NPC1: variants seen among roughly 807,000 people sequenced by gnomAD.
NPC1 encodes Niemann-Pick C1 protein.
Under a neutral mutation model 140.4 loss-of-function variants are expected in NPC1, and 85 were observed. That is an observed-to-expected ratio of 0.61 (90% CI 0.51 to 0.72). The LOEUF is 0.72. NPC1 is among the 30% of genes least tolerant of loss of function. NPC1 has a pLI of 0.00. For synonymous variants in NPC1, 656 were observed against 624.8 expected (o/e 1.05, Z -0.74); for missense variants, 1,504 against 1,623.8 (o/e 0.93, Z 1.27).
chr18:23,512,709 G>A (rs958737963), intron 3 of NPC1, among the ~76,000 whole-genome samples: 3 of 151,584 alleles, frequency 2.0e-5, no homozygotes, highest in Admixed American at 1.3e-4. Flanking sequence ...TGGGATTTAT[G>A]GGCATGAGCC....
At chr18:23,530,240 G>A, downstream of NPC1, 1 of 1,614,190 alleles carries the variant, frequency 6.2e-7, no homozygotes, top group South Asian at 1.1e-5. Flanking sequence ...CTTGTCTGCT[G>A]TTATCCCTAG....
chr18:23,506,744 C>T, intron 3 of NPC1: 1 of 411,696 alleles, frequency 2.4e-6, no homozygotes, highest in Non-Finnish European at 4.4e-6. Context: ...GATCTGAATT[C>T]TTCAATCACT....
chr18:23,534,008 T>C (rs1385569928), intron 23 of NPC1: 5 of 321,576 alleles, frequency 1.6e-5, no homozygotes, highest in Non-Finnish European at 3.0e-5. Context: ...AAAACTTAAA[T>C]ATTTAAAAGT....
At chr18:23,512,000 C>T (rs964915695) in intron 3 of NPC1, among the ~76,000 whole-genome samples, 13 of 150,900 alleles carry the variant, frequency 8.6e-5, no homozygotes, top group Non-Finnish European at 1.6e-4. Context: ...ATTTGCCAAC[C>T]TGAGAGGTAG....
chr18:23,520,570 C>T (rs1049201421), downstream of NPC1, among the ~76,000 whole-genome samples: 18 of 152,186 alleles, frequency 1.2e-4, no homozygotes, highest in Admixed American at 7.2e-4. Flanking sequence ...AGTGATTATC[C>T]TGCCTCAGCC....
At chr18:23,538,784 T>C in intron 19 of NPC1, 113 bp from the exon 20 acceptor site, 1 of 1,119,868 alleles carries the variant, frequency 8.9e-7, no homozygotes, top group Non-Finnish European at 1.3e-6. Flanking sequence ...TCGATTACTT[T>C]CCTTACTAGT....
At chr18:23,561,619 C>T (rs924429301) in intron 4 of NPC1, 92 bp from the exon 5 acceptor site, 10 of 1,237,476 alleles carry the variant, frequency 8.1e-6, no homozygotes, top group South Asian at 4.8e-5. Flanking sequence ...AAGGGAAACA[C>T]GAACTCCATA....
In NPC1 at chr18:23,586,449, C is replaced by G. The variant is rs1158823305; in HGVS notation, c.-106G>C. ...GTTTCAGCACCCCGCGCAGGAGGAG[C>G]GGAGGAGCAGGAGCAGGCGCTGACC... On this transcript the variant is annotated 5_prime_UTR_variant, in exon 1 of 25. Transcript: ENST00000269228. 29 of 1,500,826 alleles carry G rather than the reference C, an allele frequency of 1.9e-5. No homozygotes were observed. The highest frequency in any genetic ancestry group is 2.9e-5 in the African/African-American group (2 of 69,964). 93.0% of individuals were successfully genotyped at this position (1,500,826 alleles called of 1,614,324 possible).
chr18:23,524,395 C>G (rs1473308862), downstream of NPC1: 1 of 1,611,274 alleles, frequency 6.2e-7, no homozygotes, highest in Non-Finnish European at 8.5e-7. Flanking sequence ...TTGTTTTCAT[C>G]TTTTCCTGGT....
intron 20 of NPC1, among the ~76,000 whole-genome samples, chr18:23,537,578 C>T (rs1183887065): frequency 2.0e-5 from 3 of 152,140 alleles, no homozygotes; most frequent in Admixed American, 6.5e-5. Context: ...ACCTCTGAGC[C>T]CCAGTCTCCT....
intron 16 of NPC1, among the ~76,000 whole-genome samples, chr18:23,540,831 C>T (rs1419499882): frequency 6.6e-6 from 1 of 152,178 alleles, no homozygotes; most frequent in Non-Finnish European, 1.5e-5. Flanking sequence ...TTCTTTGCAA[C>T]TTTCTGTGAA....
chr18:23,520,417 C>A, downstream of NPC1: 2 of 908,222 alleles, frequency 2.2e-6, no homozygotes, highest in Non-Finnish European at 3.4e-6. Flanking sequence ...GAGGAATAAA[C>A]AGAGATTCCC....
chr18:23,512,939 TTC>T (rs1388389615), intron 3 of NPC1, among the ~76,000 whole-genome samples: 2 of 152,014 alleles, frequency 1.3e-5, no homozygotes, highest in Non-Finnish European at 2.9e-5. Flanking sequence ...CTATTTTACT[TTC>T]TGTTTCTATG....
chr18:23,579,881 T>C (rs1236587906), intron 1 of NPC1, among the ~76,000 whole-genome samples: 47 of 72,930 alleles, frequency 6.4e-4, no homozygotes, highest in Middle Eastern at 5.4e-3. Context: ...AGAGACTCCA[T>C]CTAAAAAAAA....
intron 3 of NPC1, 39 bp downstream of exon 3, chr18:23,572,035 T>A: frequency 1.5e-6 from 2 of 1,328,446 alleles, no homozygotes; most frequent in Non-Finnish European, 2.2e-6. Context: ...TTCACAAGTA[T>A]CTACAGCCCA....
chr18:23,532,687 GCTCAT>G (rs1293201489), intron 24 of NPC1, among the ~76,000 whole-genome samples: 183 of 131,748 alleles, frequency 1.4e-3, no homozygotes, highest in African/African-American at 5.3e-3. Flanking sequence ...CTTCCAAAGT[GCTCAT>G]CTCTTTTTTT....
intron 3 of NPC1, among the ~76,000 whole-genome samples, chr18:23,510,385 C>T (rs573624839): frequency 6.6e-6 from 1 of 151,714 alleles, no homozygotes; most frequent in Non-Finnish European, 1.5e-5. Context: ...CAGTGGCTCA[C>T]ACCTGTAATC....
At chr18:23,515,769 G>A in intron 3 of NPC1, 1 of 1,520,580 alleles carries the variant, frequency 6.6e-7, no homozygotes, top group South Asian at 1.1e-5. Context: ...CTGACCTCAG[G>A]TGATCCGCCC....
In NPC1 at chr18:23,556,498, C is replaced by A. The variant is rs61731964; in HGVS notation, c.1071G>T (p.Ser357=). 1.9e-6 allele frequency: 3 copies of A among 1,614,120 alleles called. No homozygotes were observed. The highest frequency in any genetic ancestry group is 1.1e-5 in the South Asian group (1 of 91,074). ...ACGAACACGCAGTAATGAAGACCAGCGAGAAGAAAATGACACAGCCAGGGT... is the reference window on the plus strand; with the variant it reads ...ACGAACACGCAGTAATGAAGACCAGAGAGAAGAAAATGACACAGCCAGGGT... ...VRNPGCVIFF[S]LVFITACSSG... Residue 357 remains serine (S), a synonymous_variant, in exon 8 of 25, where the codon TCG becomes TCT. Transcript: ENST00000269228.
Sources: allele counts gnomAD v4.1 joint callset (sites outside exome capture counted in the v4.1 genomes callset), GRCh38; gene constraint gnomAD v4.1.1; transcripts MANE v1.5; gene names NCBI Gene and HGNC (gene_info 2026-07-23, HGNC 2026-07-21).